NLGN1: variants seen among roughly 807,000 people sequenced by gnomAD.
The protein encoded by NLGN1 is neuroligin-1.
In NLGN1, 12 loss-of-function variants were observed where a neutral mutation model predicts 65.5. The ratio of observed to expected loss-of-function variants is 0.18; its 90% confidence interval spans 0.12 to 0.30. The LOEUF (loss-of-function observed/expected upper bound fraction) is 0.30. Ranked by LOEUF, NLGN1 falls within the 10% of genes least tolerant of loss-of-function variation. NLGN1 has a pLI of 1.00. For synonymous variants in NLGN1, 350 were observed against 359.5 expected (o/e 0.97, Z 0.30); for missense variants, 750 against 1,007.1 (o/e 0.74, Z 3.46).
At position 173,907,838 on chromosome 3, in the gene NLGN1, G is replaced by A. The variant is rs559726518; in HGVS notation, c.646+100006G>A. Among the ~76,000 whole-genome samples, 3 of 152,062 alleles carry A rather than the reference G, an allele frequency of 2.0e-5. No homozygotes were observed. In the South Asian group the frequency reaches 6.3e-4, roughly 32 times the overall value. ...GACCTCAGGTGATCCACCCGCCTCA[G>A]ACTCCCAAAGTGCTGGGATTACAGG... On this transcript the variant is annotated intron_variant, in intron 4 of 6. Transcript: ENST00000457714.
intron 2 of NLGN1, among the ~76,000 whole-genome samples, chr3:173,591,581 G>A (rs991076294): frequency 6.6e-6 from 1 of 152,272 alleles, no homozygotes; most frequent in South Asian, 2.1e-4. Flanking sequence ...ACTCTCTGCT[G>A]ATCATCCTCC....
chr3:173,776,443 T>G (rs1198872966), intron 3 of NLGN1, among the ~76,000 whole-genome samples: 2 of 152,040 alleles, frequency 1.3e-5, no homozygotes, highest in African/African-American at 2.4e-5. Context: ...GTTACCTGAT[T>G]AAGATTTAGT....
At chr3:173,870,890 A>G (rs1377018640) in intron 4 of NLGN1, among the ~76,000 whole-genome samples, 2 of 152,198 alleles carry the variant, frequency 1.3e-5, no homozygotes, top group African/African-American at 4.8e-5. Flanking sequence ...CTTGACACAG[A>G]ACTCCTAATA....
intron 4 of NLGN1, among the ~76,000 whole-genome samples, chr3:174,037,473 A>G (rs902673727): frequency 1.3e-5 from 2 of 152,214 alleles, no homozygotes; most frequent in Non-Finnish European, 2.9e-5. Flanking sequence ...TTTTGATGTT[A>G]GAGAACACGA....
At chr3:173,973,327 C>T (rs1716698954) in intron 4 of NLGN1, among the ~76,000 whole-genome samples, 2 of 151,988 alleles carry the variant, frequency 1.3e-5, no homozygotes, top group Admixed American at 6.6e-5. Flanking sequence ...TGTTTTAGTC[C>T]CTTGCCACAA....
intron 4 of NLGN1, among the ~76,000 whole-genome samples, chr3:174,265,763 C>CTA (rs374563161): frequency 0.015 from 1,913 of 125,536 alleles, 25 homozygotes; most frequent in Middle Eastern, 0.031. Flanking sequence ...ACTAAGAAGG[C>CTA]TATATATATA....
At chr3:174,290,749 T>C (rs1157119994), downstream of NLGN1, among the ~76,000 whole-genome samples, 1 of 151,060 alleles carries the variant, frequency 6.6e-6, no homozygotes, top group African/African-American at 2.4e-5. Flanking sequence ...ATAGAGCTGA[T>C]TAAATACTGG....
intron 1 of NLGN1, among the ~76,000 whole-genome samples, chr3:173,404,374 A>C (rs1471312588): frequency 3.9e-5 from 6 of 152,150 alleles, no homozygotes; most frequent in Admixed American, 3.9e-4. Flanking sequence ...TGAGCATCTC[A>C]TCATTCCATT....
upstream of NLGN1, among the ~76,000 whole-genome samples, chr3:173,396,062 G>T (rs1476401084): frequency 1.3e-5 from 2 of 151,432 alleles, no homozygotes; most frequent in Non-Finnish European, 3.0e-5. Flanking sequence ...GGTAGCAGTG[G>T]CGGCGGCGGC....
At chr3:173,413,930 A>T (rs1488185908) in intron 1 of NLGN1, among the ~76,000 whole-genome samples, 3 of 152,170 alleles carry the variant, frequency 2.0e-5, no homozygotes, top group African/African-American at 7.2e-5. Context: ...GGTAGAAGAG[A>T]TGATGTGAGC....
intron 4 of NLGN1, among the ~76,000 whole-genome samples, chr3:173,870,873 C>T (rs1432215171): frequency 6.6e-6 from 1 of 152,246 alleles, no homozygotes; most frequent in Admixed American, 6.5e-5. Flanking sequence ...GGTCTTTGAA[C>T]CCATTTCTTG....
chr3:173,634,719 A>G (rs1300058769), intron 3 of NLGN1, among the ~76,000 whole-genome samples: 1 of 152,102 alleles, frequency 6.6e-6, no homozygotes. Context: ...TAAGAACTAT[A>G]TTTTAGGAGG....
At chr3:174,138,836 C>A (rs1020862483) in intron 4 of NLGN1, among the ~76,000 whole-genome samples, 1 of 151,958 alleles carries the variant, frequency 6.6e-6, no homozygotes, top group African/African-American at 2.4e-5. Context: ...TTTATTTCCT[C>A]ATTTTTGGCT....
At chr3:173,687,306 CAT>C (rs772530557) in intron 3 of NLGN1, among the ~76,000 whole-genome samples, 14 of 152,206 alleles carry the variant, frequency 9.2e-5, no homozygotes, top group Admixed American at 2.6e-4. Context: ...TCTACCCACA[CAT>C]GTGATTTTTA....
chr3:173,974,393 T>G (rs1026466218), intron 4 of NLGN1, among the ~76,000 whole-genome samples: 4 of 152,048 alleles, frequency 2.6e-5, no homozygotes, highest in Non-Finnish European at 5.9e-5. Flanking sequence ...AATAAGTAAG[T>G]CCTTGAACTT....
At chr3:173,451,781 C>G (rs555174642) in intron 2 of NLGN1, among the ~76,000 whole-genome samples, 1 of 152,172 alleles carries the variant, frequency 6.6e-6, no homozygotes, top group Non-Finnish European at 1.5e-5. Flanking sequence ...CCCGCAGCCT[C>G]GCTGCCACCT....
At position 173,871,440 on chromosome 3, in the gene NLGN1, G is replaced by GA. The variant is rs1731148475; in HGVS notation, c.646+63609dup. Among the ~76,000 whole-genome samples the GA allele has an allele frequency of 2.0e-5, 3 of 152,170 alleles. No individual in the cohort carries two copies. In the South Asian group the frequency reaches 6.2e-4, roughly 32 times the overall value. ...GTTTACTCAGTGAAGATTTTACATT[G>GA]AGGAGCCACTAGACGTAGACAGATC... is the stretch of plus-strand genomic sequence containing the variant. On this transcript the variant is annotated intron_variant, in intron 4 of 6. Coordinates refer to ENST00000457714, the Ensembl canonical transcript of NLGN1.
chr3:174,283,876 G>C (rs1028525459), exon 7 of NLGN1: 4 of 151,386 alleles, frequency 2.6e-5, no homozygotes, highest in Non-Finnish European at 5.9e-5. Flanking sequence ...GTATTTTACT[G>C]TATTAATTAA....
chr3:174,248,324 G>A (rs1364462451), intron 4 of NLGN1, among the ~76,000 whole-genome samples: 1 of 152,038 alleles, frequency 6.6e-6, no homozygotes, highest in Non-Finnish European at 1.5e-5. Flanking sequence ...CTTCTAATAG[G>A]GAACAGAGTC....
Sources: allele counts gnomAD v4.1 joint callset (sites outside exome capture counted in the v4.1 genomes callset), GRCh38; gene constraint gnomAD v4.1.1; transcripts MANE v1.5; gene names NCBI Gene and HGNC (gene_info 2026-07-23, HGNC 2026-07-21).